The following TRPC4 variants were observed in gnomAD, a reference collection of about 807,000 sequenced individuals.
TRPC4 encodes the protein short transient receptor potential channel 4.
A neutral mutation model predicts 99.4 loss-of-function variants in TRPC4; 49 were observed. The ratio of observed to expected loss-of-function variants is 0.49; its 90% CI spans 0.39 to 0.63. The LOEUF (loss-of-function observed/expected upper bound fraction) is 0.63, where lower values mean the gene tolerates loss of function less well. Among genes scored for constraint, TRPC4 ranks in the 20% least tolerant of loss-of-function variants. The pLI, the probability that TRPC4 is intolerant of heterozygous loss-of-function variation, is 0.00. For synonymous variants in TRPC4, 454 were observed against 425.9 expected (o/e 1.07, Z -0.81); for missense variants, 898 against 1,152.9 (o/e 0.78, Z 3.20).
intron 4 of TRPC4, among the ~76,000 whole-genome samples, chr13:37,685,784 T>C (rs979936317): frequency 1.3e-5 from 2 of 152,148 alleles, no homozygotes; most frequent in Non-Finnish European, 2.9e-5. Context: ...AAAGAGTTCA[T>C]TTCCCTCCAA....
chr13:37,745,855 A>G (rs1321290879), intron 3 of TRPC4, 82 bp downstream of exon 3: 6 of 1,502,796 alleles, frequency 4.0e-6, no homozygotes, highest in Non-Finnish European at 5.4e-6. Context: ...CTAAAACCCA[A>G]AACTAATTTT....
intron 7 of TRPC4, among the ~76,000 whole-genome samples, chr13:37,653,683 A>C (rs1258549146): frequency 1.3e-5 from 2 of 152,130 alleles, no homozygotes; most frequent in Non-Finnish European, 2.9e-5. Context: ...GTTACCTAGA[A>C]AAGCACACCT....
intron 1 of TRPC4, among the ~76,000 whole-genome samples, chr13:37,863,621 G>A (rs1053615806): frequency 1.3e-5 from 2 of 151,544 alleles, no homozygotes; most frequent in African/African-American, 4.8e-5. Flanking sequence ...CTTTACCTTA[G>A]AATGAAAGGG....
intron 7 of TRPC4, among the ~76,000 whole-genome samples, chr13:37,653,310 C>A (rs573581264): frequency 2.0e-5 from 3 of 152,024 alleles, no homozygotes; most frequent in Admixed American, 6.6e-5. Flanking sequence ...TTAGTTGGGG[C>A]CTACATAAGT....
intron 1 of TRPC4, among the ~76,000 whole-genome samples, chr13:37,863,345 A>G (rs959852363): frequency 1.9e-4 from 29 of 151,634 alleles, no homozygotes; most frequent in African/African-American, 6.5e-4. Flanking sequence ...GGGTTACTCT[A>G]TACTATTTGA....
At chr13:37,858,559 T>A (rs541281705) in intron 1 of TRPC4, among the ~76,000 whole-genome samples, 1 of 151,548 alleles carries the variant, frequency 6.6e-6, no homozygotes, top group African/African-American at 2.4e-5. Context: ...ATAAAGAAAA[T>A]GTGGTACATA....
chr13:37,748,784 C>G (rs28450239), intron 2 of TRPC4, among the ~76,000 whole-genome samples: 11 of 139,602 alleles, frequency 7.9e-5, no homozygotes, highest in African/African-American at 2.9e-4. Flanking sequence ...ACATTTTTTT[C>G]AAAAAATAAC....
At chr13:37,701,997 G>T (rs2138937679) in intron 3 of TRPC4, among the ~76,000 whole-genome samples, 1 of 152,138 alleles carries the variant, frequency 6.6e-6, no homozygotes, top group African/African-American at 2.4e-5. Context: ...TAAAACCAGA[G>T]TGTTGGCAGC....
intron 3 of TRPC4, among the ~76,000 whole-genome samples, chr13:37,738,562 T>A (rs1394919632): frequency 6.6e-6 from 1 of 152,198 alleles, no homozygotes; most frequent in Non-Finnish European, 1.5e-5. Flanking sequence ...ACATCCCAGA[T>A]GTTCTGATTT....
intron 2 of TRPC4, among the ~76,000 whole-genome samples, chr13:37,779,355 G>C (rs1956781267): frequency 6.6e-6 from 1 of 151,688 alleles, no homozygotes; most frequent in Non-Finnish European, 1.5e-5. Context: ...TTCCTGCTTA[G>C]TGTAGAGAAT....
At chr13:37,774,340 A>T (rs1956641096) in intron 2 of TRPC4, among the ~76,000 whole-genome samples, 1 of 151,796 alleles carries the variant, frequency 6.6e-6, no homozygotes. Flanking sequence ...AATTATTGTC[A>T]AAGGATTCTA....
In TRPC4 at chr13:37,633,349, C is replaced by A. The variant is rs1044052397; in HGVS notation, c.*3554G>T. ...TAGGTTGAGTTTTAAGGACACTGAG[C>A]ATGGAAGGCAGCTGTATACACCATA... On this transcript the variant is annotated 3_prime_UTR_variant, in exon 11 of 11. Transcript: ENST00000379705. 3.9e-4 allele frequency among the ~76,000 whole-genome samples: 59 copies of A among 152,158 alleles called. No homozygotes were observed. The highest frequency in any genetic ancestry group is 1.3e-3 in the African/African-American group (56 of 41,532).
chr13:37,755,978 A>C (rs1039626711), intron 2 of TRPC4, among the ~76,000 whole-genome samples: 30 of 152,208 alleles, frequency 2.0e-4, no homozygotes, highest in African/African-American at 5.8e-4. Flanking sequence ...ACTTAAAAAA[A>C]CCCCTCAGGA....
intron 1 of TRPC4, among the ~76,000 whole-genome samples, chr13:37,834,916 G>A (rs1004319476): frequency 4.6e-5 from 7 of 152,028 alleles, no homozygotes; most frequent in Admixed American, 1.3e-4. Context: ...TGTATTTTGA[G>A]TAGAGATGGG....
Position 37,642,736 on chromosome 13 carries a change from C to CTTT in TRPC4, c.2080-3440_2080-3438dup, listed in dbSNP as rs796528635. Reference sequence around the variant, plus strand: ...TATGGAAATATGATTCTTTCTTTTTCTTTTTTTTTTTTTTTTTTGAGATAG... The same window carrying CTTT: ...TATGGAAATATGATTCTTTCTTTTTCTTTTTTTTTTTTTTTTTTTTTGAGATAG... On this transcript the variant is annotated intron_variant, in intron 8 of 10. Coordinates refer to ENST00000379705, the MANE Select transcript of TRPC4 (RefSeq NM_016179.4). 2.1e-3 allele frequency among the ~76,000 whole-genome samples: 6 copies of CTTT among 2,802 alleles called. 3 individuals are homozygous for CTTT. Among genetic ancestry groups the CTTT allele is most frequent in the Non-Finnish European group, 1.5e-3 (2 of 1,308 alleles). 1.8% of individuals were successfully genotyped at this position (2,802 alleles called of 152,430 possible).
intron 3 of TRPC4, among the ~76,000 whole-genome samples, chr13:37,745,195 A>G (rs1197791864): frequency 6.6e-6 from 1 of 151,720 alleles, no homozygotes; most frequent in Non-Finnish European, 1.5e-5. Context: ...GTCTATATAT[A>G]CAGTTGTCCC....
rs1220433997 is a variant in TRPC4, at chr13:37,633,514, G to A, written c.*3389C>T. The stretch of plus-strand genomic sequence containing the variant: ...CCAGAGTTATTAAGGATTATTGAAT[G>A]TTAGAAGAATATATTCTTATGCTAT... On this transcript the variant is annotated 3_prime_UTR_variant, in exon 11 of 11. Transcript: ENST00000379705. 6.6e-6 allele frequency among the ~76,000 whole-genome samples: 1 copy of A among 152,154 alleles called. No homozygotes were observed. The highest frequency in any genetic ancestry group is 1.5e-5 in the Non-Finnish European group (1 of 68,014).
At chr13:37,720,035 GAGA>G (rs1188867067) in intron 3 of TRPC4, among the ~76,000 whole-genome samples, 2 of 152,092 alleles carry the variant, frequency 1.3e-5, no homozygotes, top group Non-Finnish European at 2.9e-5. Flanking sequence ...TGATGCTGCT[GAGA>G]AGGACTCAAC....
chr13:37,810,252 C>T lies in TRPC4; in HGVS notation c.-27-26892G>A, dbSNP rs896362301. On this transcript the variant is annotated intron_variant, in intron 1 of 10. Coordinates refer to ENST00000379705, the MANE Select transcript of TRPC4 (RefSeq NM_016179.4). ...TAAAAACATTTCATAAATTAAGATA[C>T]AATGTTATTTGATTATTATTATTCC... Among the ~76,000 whole-genome samples, 13 of 152,052 alleles carry T rather than the reference C, an allele frequency of 8.5e-5. 1 individual carries two copies. Among genetic ancestry groups the T allele is most frequent in the South Asian group, 4.1e-4 (2 of 4,824 alleles).
Sources: allele counts gnomAD v4.1 joint callset (sites outside exome capture counted in the v4.1 genomes callset), GRCh38; gene constraint gnomAD v4.1.1; transcripts MANE v1.5; gene names NCBI Gene and HGNC (gene_info 2026-07-23, HGNC 2026-07-21).